The following KLHDC2 variants were observed in gnomAD, a reference collection of about 807,000 sequenced individuals.
KLHDC2 encodes the protein kelch domain-containing protein 2.
A neutral mutation model predicts 62.3 loss-of-function variants in KLHDC2; 38 were observed. That is an observed-to-expected ratio of 0.61 (90% confidence interval 0.47 to 0.80). The LOEUF is 0.80. Ranked by LOEUF, KLHDC2 falls within the 30% of genes least tolerant of loss-of-function variation. The pLI is 0.00. For missense variants in KLHDC2, 430 were observed against 495.3 expected (o/e 0.87, Z 1.25); for synonymous variants, 159 against 161.0 (o/e 0.99, Z 0.09).
intron 3 of KLHDC2, among the ~76,000 whole-genome samples, chr14:49,775,187 G>C (rs937763294): frequency 5.3e-5 from 8 of 152,154 alleles, no homozygotes; most frequent in African/African-American, 1.7e-4. Flanking sequence ...TTCTCTTTCA[G>C]ACCAATAAGA....
Position 49,768,490 on chromosome 14 carries a change from C to T in KLHDC2, c.22C>T (p.Leu8=). The T allele has an allele frequency of 1.2e-6, 2 of 1,610,194 alleles. No individual in the cohort carries two copies. Among genetic ancestry groups the T allele is most frequent in the Non-Finnish European group, 1.7e-6 (2 of 1,178,738 alleles). Reference sequence around the variant, plus strand: ...CAAGATGGCTGATGGCAACGAGGATCTGCGGGCTGACGACTTGCCTGGGCC... The same window carrying T: ...CAAGATGGCTGATGGCAACGAGGATTTGCGGGCTGACGACTTGCCTGGGCC... MADGNED[L]RADDLPGPAF... Residue 8 remains leucine, a synonymous_variant, in exon 1 of 13, where the codon CTG becomes TTG. Coordinates refer to ENST00000298307, the MANE Select transcript of KLHDC2 (RefSeq NM_014315.3).
rs781684036 is a variant in KLHDC2, at chr14:49,780,765, G to A, written c.946G>A (p.Glu316Lys). 1.6e-5 allele frequency: 25 copies of A among 1,582,340 alleles called. No homozygotes were observed. The highest frequency in any genetic ancestry group is 4.4e-5 in the South Asian group (4 of 90,424). Reference sequence around the variant, plus strand: ...GATACAATTTAATCATCCATATACCGAAAAACCAAGGTATTTAAAAGCAAT... The same window carrying A: ...GATACAATTTAATCATCCATATACCAAAAAACCAAGGTATTTAAAAGCAAT... ...EWIQFNHPYTEKPRLWHTACA... is the reference protein window; with the variant it reads ...EWIQFNHPYTKKPRLWHTACA... Residue 316 changes from glutamate (E) to lysine (K), a missense_variant, in exon 10 of 13, where the codon GAA becomes AAA. Transcript: ENST00000298307.
intron 1 of KLHDC2, among the ~76,000 whole-genome samples, chr14:49,770,172 G>A (rs1042147735): frequency 2.0e-5 from 3 of 152,144 alleles, no homozygotes; most frequent in African/African-American, 7.2e-5. Context: ...ATTTAAAAGG[G>A]CCTGGATGAT....
At chr14:49,780,868 C>T in intron 10 of KLHDC2, 93 bp downstream of exon 10, 1 of 757,202 alleles carries the variant, frequency 1.3e-6, no homozygotes, top group South Asian at 1.5e-5. Flanking sequence ...TTATAAAAAT[C>T]TCAGCATTCA....
In KLHDC2 at chr14:49,779,695, C is replaced by A. The variant is rs778934409; in HGVS notation, c.714+20C>A. ...TATCGAGTAAGTATTCAAACGACTT[C>A]AATGACTTGCTTTTGAATTCTTCAA... On this transcript the variant is annotated intron_variant, in intron 7 of 12. Coordinates refer to ENST00000298307, the MANE Select transcript of KLHDC2 (RefSeq NM_014315.3). The A allele has an allele frequency of 2.5e-6, 4 of 1,611,050 alleles. No individual in the cohort carries two copies. Among genetic ancestry groups the A allele is most frequent in the Non-Finnish European group, 2.5e-6 (3 of 1,177,312 alleles).
chr14:49,780,577 G>A, intron 9 of KLHDC2, 126 bp from the exon 10 acceptor site: 18 of 729,876 alleles, frequency 2.5e-5, no homozygotes, highest in Admixed American at 4.7e-5. Context: ...GCAGGGGGGG[G>A]AAAAAAAAGA....
At chr14:49,779,927 A>G (rs887273580) in intron 8 of KLHDC2, 121 bp downstream of exon 8, 8 of 716,124 alleles carry the variant, frequency 1.1e-5, no homozygotes, top group South Asian at 7.2e-5. Context: ...AATAAACATA[A>G]TTACTAGGTC....
chr14:49,768,619 A>C lies in KLHDC2; in HGVS notation c.151A>C (p.Lys51Gln). Residue 51 changes from lysine (K) to glutamine (Q), a missense_variant and splice_region_variant, in exon 1 of 13, where the codon AAG becomes CAG. Coordinates refer to ENST00000298307, the MANE Select transcript of KLHDC2 (RefSeq NM_014315.3). The part of the protein sequence containing the change: ...GRHMFVWGGY[K>Q]SNQVRGLYDF... ...CCACATGTTCGTCTGGGGCGGCTAC[A>C]AGGTCAGTGAGTGGCCGGGCCGCGA... The C allele has an allele frequency of 5.0e-6, 8 of 1,591,294 alleles. No individual in the cohort carries two copies. The highest frequency in any genetic ancestry group is 6.8e-6 in the Non-Finnish European group (8 of 1,170,458).
chr14:49,785,022 A>G lies in KLHDC2; in HGVS notation c.*2069A>G. On this transcript the variant is annotated 3_prime_UTR_variant, in exon 13 of 13. Coordinates refer to ENST00000298307, the MANE Select transcript of KLHDC2 (RefSeq NM_014315.3). ...TTTTGCAGCTGTAAATACAAAAAAGAGTAAGAATAATCTACTGTTAAGTCA... is the reference window on the plus strand; with the variant it reads ...TTTTGCAGCTGTAAATACAAAAAAGGGTAAGAATAATCTACTGTTAAGTCA... The G allele has an allele frequency of 6.2e-7, 1 of 1,609,982 alleles. No individual in the cohort carries two copies. Among genetic ancestry groups the G allele is most frequent in the South Asian group, 1.1e-5 (1 of 90,996 alleles).
chr14:49,781,649 A>T (rs1313809115), intron 10 of KLHDC2, among the ~76,000 whole-genome samples: 1 of 151,792 alleles, frequency 6.6e-6, no homozygotes, highest in African/African-American at 2.4e-5. Flanking sequence ...GTGAGCTGAG[A>T]TTGCACCACT....
intron 2 of KLHDC2, 127 bp from the exon 3 acceptor site, chr14:49,774,434 C>T (rs904888800): frequency 2.8e-5 from 19 of 688,100 alleles, no homozygotes; most frequent in African/African-American, 5.3e-5. Flanking sequence ...GAGATCCTAG[C>T]GGCACTGTCT....
intron 1 of KLHDC2, among the ~76,000 whole-genome samples, chr14:49,771,086 A>T (rs999994992): frequency 1.3e-5 from 2 of 151,736 alleles, no homozygotes; most frequent in African/African-American, 4.8e-5. Flanking sequence ...AATGGCTCAC[A>T]GCCTGTAATC....
chr14:49,777,032 T>G (rs1003097188), intron 3 of KLHDC2, among the ~76,000 whole-genome samples: 16 of 152,000 alleles, frequency 1.1e-4, no homozygotes, highest in Non-Finnish European at 2.2e-4. Context: ...AAAGGAAATG[T>G]GGTGCATATA....
intron 10 of KLHDC2, 71 bp downstream of exon 10, chr14:49,780,846 C>T (rs1889882104): frequency 1.2e-6 from 1 of 829,532 alleles, no homozygotes; most frequent in East Asian, 2.4e-5. Context: ...GCATTATATC[C>T]AGCATTCTTA....
At chr14:49,771,394 G>A (rs1889661276) in intron 1 of KLHDC2, among the ~76,000 whole-genome samples, 200 bp from the exon 2 acceptor site, 1 of 151,874 alleles carries the variant, frequency 6.6e-6, no homozygotes, top group South Asian at 2.1e-4. Context: ...TATTGCAACT[G>A]CTGTATCAAA....
intron 2 of KLHDC2, among the ~76,000 whole-genome samples, chr14:49,771,905 C>T (rs1303280228): frequency 1.3e-5 from 2 of 152,110 alleles, no homozygotes; most frequent in African/African-American, 4.8e-5. Context: ...GTGGGAGAAT[C>T]GCTTGAATCT....
In KLHDC2 at chr14:49,777,926, A is replaced by G; in HGVS notation, c.439A>G (p.Lys147Glu). The G allele has an allele frequency of 6.2e-7, 1 of 1,610,792 alleles. No individual in the cohort carries two copies. The highest frequency in any genetic ancestry group is 8.5e-7 in the Non-Finnish European group (1 of 1,177,532). Residue 147 changes from lysine (K) to glutamate (E), a missense_variant, in exon 4 of 13, where the codon AAA becomes GAA. By Grantham distance (56) the Lys-to-Glu change is moderately conservative. Coordinates refer to ENST00000298307, the MANE Select transcript of KLHDC2 (RefSeq NM_014315.3). ...AGGAATTCCTCCATCATCAAAGGAC[A>G]AACTTGGTGTCTGGGTATATAAAAA... ...CQGIPPSSKD[K>E]LGVWVYKNKL... is the part of the protein sequence containing the mutation.
Position 49,783,836 on chromosome 14 carries a change from T to C in KLHDC2, c.*883T>C, listed in dbSNP as rs1265580295. Reference sequence around the variant, plus strand: ...GAGTCATGAGAATTATTACTTATATTTTACATTTTGGTCTAATATTTTTTT... The same window carrying C: ...GAGTCATGAGAATTATTACTTATATCTTACATTTTGGTCTAATATTTTTTT... On this transcript the variant is annotated 3_prime_UTR_variant, in exon 13 of 13. Coordinates refer to ENST00000298307, the MANE Select transcript of KLHDC2 (RefSeq NM_014315.3). 1.3e-5 allele frequency: 2 copies of C among 152,124 alleles called. No individual in the cohort carries two copies. Among genetic ancestry groups the C allele is most frequent in the East Asian group, 3.8e-4 (2 of 5,204 alleles). The allele number at this position is 152,124 out of a possible 1,614,324, so 9.4% of individuals were successfully genotyped here.
rs902048384 is a variant in KLHDC2, at chr14:49,783,825, ATTAC to A, written c.*876_*879del. On this transcript the variant is annotated 3_prime_UTR_variant, in exon 13 of 13. Coordinates refer to ENST00000298307, the MANE Select transcript of KLHDC2 (RefSeq NM_014315.3). ...ATGATTAAGCTGAGTCATGAGAATT[ATTAC>A]TTATATTTTACATTTTGGTCTAATA... 1 of 152,296 alleles carries A rather than the reference ATTAC, an allele frequency of 6.6e-6. No homozygotes were observed. Among genetic ancestry groups the A allele is most frequent in the African/African-American group, 2.4e-5 (1 of 41,570 alleles). 9.4% of individuals were successfully genotyped at this position (152,296 alleles called of 1,614,324 possible). A position where few individuals can be genotyped will look rare whatever the true frequency, so the allele number is the denominator to read the frequency against.
Sources: gnomAD v4.1 joint callset for allele counts (sites outside exome capture counted in the v4.1 genomes callset) on GRCh38, gnomAD v4.1.1 for gene constraint, MANE v1.5 for transcripts, NCBI Gene and HGNC (gene_info 2026-07-23, HGNC 2026-07-21) for gene names.